Variants in NAV2 observed in about 807,000 individuals in gnomAD.
The protein encoded by NAV2 is helicase, APC down-regulated 1.
Under a neutral mutation model 223.2 loss-of-function variants are expected in NAV2, and 54 were observed. That is an observed-to-expected ratio of 0.24 (90% CI 0.19 to 0.30). The LOEUF (loss-of-function observed/expected upper bound fraction) is 0.30, where lower values mean the gene tolerates loss of function less well. Ranked by LOEUF, NAV2 falls within the 10% of genes least tolerant of loss-of-function variation. The probability of loss-of-function intolerance (pLI) is 1.00; values close to 1 mark genes in which losing one functional copy is unlikely to be tolerated. For synonymous variants in NAV2, 1,279 were observed against 1,239.3 expected, an observed-to-expected ratio of 1.03 and a Z score of -0.67; for missense variants, 2,806 against 3,147.5, an observed-to-expected ratio of 0.89 and a Z score of 2.60.
intron 10 of NAV2, among the ~76,000 whole-genome samples, chr11:19,954,975 A>AGTG (rs2047725791): frequency 7.6e-5 from 3 of 39,226 alleles, no homozygotes; most frequent in African/African-American, 1.9e-4. Context: ...ATATACACAC[A>AGTG]TATATATATA....
At chr11:19,600,302 G>A (rs1379727105) in intron 1 of NAV2, among the ~76,000 whole-genome samples, 3 of 152,214 alleles carry the variant, frequency 2.0e-5, no homozygotes, top group African/African-American at 4.8e-5. Flanking sequence ...ATCTCTCAGA[G>A]ACAGGATGTC....
At chr11:19,925,547 G>C (rs557622416) in intron 6 of NAV2, among the ~76,000 whole-genome samples, 1 of 152,014 alleles carries the variant, frequency 6.6e-6, no homozygotes, top group East Asian at 1.9e-4. Context: ...TCAGGGGTTC[G>C]AGACCAACCC....
chr11:19,779,872 C>T (rs1038754961), intron 1 of NAV2, among the ~76,000 whole-genome samples: 4 of 152,160 alleles, frequency 2.6e-5, no homozygotes, highest in African/African-American at 7.2e-5. Flanking sequence ...TAGCCCTCAG[C>T]AGGAAGGAGC....
At chr11:19,346,150 G>A (rs1164938195), upstream of NAV2, among the ~76,000 whole-genome samples, 1 of 152,174 alleles carries the variant, frequency 6.6e-6, no homozygotes, top group African/African-American at 2.4e-5. Context: ...CTGTCTGCGC[G>A]GGTCCCTCTG....
intron 1 of NAV2, among the ~76,000 whole-genome samples, chr11:19,401,360 G>A (rs1243555183): frequency 6.6e-6 from 1 of 152,160 alleles, no homozygotes; most frequent in Non-Finnish European, 1.5e-5. Flanking sequence ...GAATCCAACT[G>A]TACCCCTGTA....
chr11:19,537,264 C>G (rs2044215937), intron 1 of NAV2, among the ~76,000 whole-genome samples: 1 of 149,210 alleles, frequency 6.7e-6, no homozygotes, highest in Non-Finnish European at 1.5e-5. Flanking sequence ...TCAATAACAA[C>G]AACTAATAAC....
chr11:19,990,165 C>T (rs545611233), intron 11 of NAV2, among the ~76,000 whole-genome samples: 2 of 152,352 alleles, frequency 1.3e-5, no homozygotes, highest in Admixed American at 1.3e-4. Context: ...GGAAAAGGTC[C>T]TTTCTTACAC....
At chr11:19,805,443 A>G (rs1342742584) in intron 1 of NAV2, among the ~76,000 whole-genome samples, 1 of 152,104 alleles carries the variant, frequency 6.6e-6, no homozygotes, top group East Asian at 1.9e-4. Context: ...GGCTTCTTCT[A>G]TCTTTGGAAT....
chr11:19,630,641 C>G (rs1391977776), intron 1 of NAV2, among the ~76,000 whole-genome samples: 1 of 152,136 alleles, frequency 6.6e-6, no homozygotes, highest in East Asian at 1.9e-4. Context: ...AATCCCAACG[C>G]TTTGGGAGGC....
chr11:19,763,791 G>T (rs1213781652), intron 1 of NAV2, among the ~76,000 whole-genome samples: 1 of 126,264 alleles, frequency 7.9e-6, no homozygotes, highest in East Asian at 2.0e-4. Context: ...TTGTTTTTTT[G>T]TTTTTTTTGT....
At chr11:20,005,616 T>C (rs2052999939) in intron 11 of NAV2, among the ~76,000 whole-genome samples, 1 of 151,288 alleles carries the variant, frequency 6.6e-6, no homozygotes, top group Non-Finnish European at 1.5e-5. Context: ...AGACAGATTT[T>C]CAATAAGGAG....
intron 1 of NAV2, among the ~76,000 whole-genome samples, chr11:19,742,535 G>C (rs905383788): frequency 1.3e-5 from 2 of 152,170 alleles, no homozygotes; most frequent in Non-Finnish European, 2.9e-5. Context: ...CCCACTACGT[G>C]AGGCGCTCCA....
At chr11:19,687,548 T>C (rs2152248961) in intron 1 of NAV2, among the ~76,000 whole-genome samples, 1 of 152,342 alleles carries the variant, frequency 6.6e-6, no homozygotes, top group Non-Finnish European at 1.5e-5. Context: ...TGTGTTTTTA[T>C]CTGAGAATAT....
rs1565483412 is a variant in NAV2, at chr11:19,879,902, G to A, written c.545G>A (p.Gly182Asp). Residue 182 changes from glycine to aspartate, a missense_variant, in exon 5 of 38, where the codon GGC (glycine) becomes GAC (aspartate). This residue lies in a region of NAV2 where 1,167 missense variants were observed against 1,180.5 expected (regional missense o/e 0.99). Coordinates refer to ENST00000349880, the MANE Select transcript of NAV2 (RefSeq NM_145117.5). ...AATGGAAACCTCAAGGCCATTCTAG[G>A]CCTCTTCTTCAGCCTCTCCCGATAC... ...IRNGNLKAIL[G>D]LFFSLSRYKQ... The A allele has an allele frequency of 6.2e-7, 1 of 1,613,790 alleles. No individual in the cohort carries two copies. The highest frequency in any genetic ancestry group is 1.3e-5 in the African/African-American group (1 of 74,984).
chr11:20,088,207 C>T (rs867494474), intron 26 of NAV2, among the ~76,000 whole-genome samples: 5 of 152,160 alleles, frequency 3.3e-5, no homozygotes, highest in African/African-American at 9.7e-5. Flanking sequence ...GACTGAGTTT[C>T]GCTCTTGCCT....
chr11:19,717,547 G>A (rs1057304689), intron 1 of NAV2, among the ~76,000 whole-genome samples: 4 of 152,232 alleles, frequency 2.6e-5, no homozygotes, highest in African/African-American at 7.2e-5. Context: ...CAGTGGTACC[G>A]AGCAGTTGAT....
intron 1 of NAV2, among the ~76,000 whole-genome samples, chr11:19,477,410 TGG>T (rs1273735535): frequency 4.6e-5 from 7 of 152,214 alleles, no homozygotes; most frequent in Non-Finnish European, 7.4e-5. Flanking sequence ...ATTTATTGAG[TGG>T]GATTACTGCC....
rs1439226362 is a variant in NAV2, at chr11:19,931,552, TAC to T, written c.932-1622_932-1621del. ...TTAAATCATAAAAAGCCGCTCTATATACAGTTTACTCTGTTGCTAGAAGGCAG... is the reference window on the plus strand; with the variant it reads ...TTAAATCATAAAAAGCCGCTCTATATAGTTTACTCTGTTGCTAGAAGGCAG... On this transcript the variant is annotated intron_variant, in intron 6 of 37. Coordinates refer to ENST00000349880, the MANE Select transcript of NAV2 (RefSeq NM_145117.5). Among the ~76,000 whole-genome samples the T allele has an allele frequency of 2.0e-5, 3 of 147,942 alleles. No homozygotes were observed. The East Asian group carries it at 6.0e-4, about 30-fold the overall frequency.
At chr11:19,478,284 G>A (rs978306271) in intron 1 of NAV2, among the ~76,000 whole-genome samples, 11 of 152,236 alleles carry the variant, frequency 7.2e-5, no homozygotes, top group African/African-American at 2.6e-4. Flanking sequence ...CTCTACATCA[G>A]CAAAGTGAAG....
Sources: gnomAD v4.1 joint callset for allele counts (sites outside exome capture counted in the v4.1 genomes callset) on GRCh38, gnomAD v4.1.1 for gene constraint, gnomAD v4.1.1 regional missense constraint, MANE v1.5 for transcripts, NCBI Gene and HGNC (gene_info 2026-07-23, HGNC 2026-07-21) for gene names.